RRBP1: variants seen among roughly 807,000 people sequenced by gnomAD.
The protein encoded by RRBP1 is ribosome-binding protein 1.
Under a neutral mutation model 165.2 loss-of-function variants are expected in RRBP1, and 94 were observed. The ratio of observed to expected loss-of-function variants is 0.57; its 90% confidence interval spans 0.48 to 0.68. The LOEUF is 0.68. RRBP1 is among the 30% of genes least tolerant of loss of function. The pLI is 0.00. For missense variants in RRBP1, 1,676 were observed against 1,763.0 expected (o/e 0.95, Z 0.88); for synonymous variants, 680 against 714.5 (o/e 0.95, Z 0.77).
chr20:17,619,809 C>A, intron 18 of RRBP1, 81 bp from the exon 19 acceptor site: 1 of 1,068,370 alleles, frequency 9.4e-7, no homozygotes, highest in Non-Finnish European at 1.4e-6. Context: ...GCAGGCTGGC[C>A]CTGGGATAGG....
intron 11 of RRBP1, among the ~76,000 whole-genome samples, chr20:17,626,592 G>C (rs1024360562): frequency 3.3e-5 from 5 of 152,180 alleles, no homozygotes; most frequent in African/African-American, 1.2e-4. Context: ...GTGTGCGAGG[G>C]AATGCAGGAC....
chr20:17,669,578 C>G (rs73599761), intron 2 of RRBP1, among the ~76,000 whole-genome samples: 2,328 of 152,320 alleles, frequency 0.015, 87 homozygotes, highest in East Asian at 0.073. Flanking sequence ...ATCATATCAG[C>G]ATCGTATGTG....
chr20:17,627,448 C>T (rs1436706846), intron 10 of RRBP1, 56 bp downstream of exon 10: 24 of 1,609,524 alleles, frequency 1.5e-5, no homozygotes, highest in East Asian at 4.5e-5. Flanking sequence ...GGCTAGTCCA[C>T]CCACCTGCTA....
At chr20:17,642,515 T>C (rs1370011723) in intron 4 of RRBP1, among the ~76,000 whole-genome samples, 3 of 152,028 alleles carry the variant, frequency 2.0e-5, no homozygotes, top group Non-Finnish European at 4.4e-5. Context: ...GAACTCTGAC[T>C]CCAGTGAAGG....
intron 3 of RRBP1, among the ~76,000 whole-genome samples, chr20:17,648,160 G>A (rs771850113): frequency 3.9e-5 from 6 of 152,192 alleles, no homozygotes; most frequent in African/African-American, 7.2e-5. Flanking sequence ...GTCCCACCCC[G>A]AGGTGGGACG....
rs773714203 is a variant in RRBP1, at chr20:17,619,715, G to T, written c.3593C>A (p.Thr1198Lys). The change falls in exon 19 of 25, where the codon ACG becomes AAG. Residue 1198 changes from threonine (T) to lysine (K), a missense_variant. This residue lies in a region of RRBP1 where 1,184 missense variants were observed against 1,167.1 expected (regional missense o/e 1.01). Transcript: ENST00000377813. Reference sequence around the variant, plus strand: ...TTCCAGCTCTGCCTCCAAATGCGACGTGTGCTCCCTCACCTGGACAGATGC... The same window carrying T: ...TTCCAGCTCTGCCTCCAAATGCGACTTGTGCTCCCTCACCTGGACAGATGC... Reference protein sequence around the residue: ...LESSDQVREHTSHLEAELEKH... With the variant: ...LESSDQVREHKSHLEAELEKH... 6.2e-7 allele frequency: 1 copy of T among 1,611,840 alleles called. No homozygotes were observed.
chr20:17,641,271 C>T (rs570272927), intron 5 of RRBP1, among the ~76,000 whole-genome samples: 13 of 152,350 alleles, frequency 8.5e-5, no homozygotes, highest in Middle Eastern at 3.4e-3. Context: ...GCAAATGCTA[C>T]GTGCCACGCC....
At chr20:17,640,097 C>T (rs2122352420) in intron 5 of RRBP1, among the ~76,000 whole-genome samples, 1 of 152,270 alleles carries the variant, frequency 6.6e-6, no homozygotes, top group South Asian at 2.1e-4. Context: ...TCTCAGTGGC[C>T]ACTTGATCAC....
chr20:17,674,225 T>C (rs2037031950), intron 2 of RRBP1, among the ~76,000 whole-genome samples: 1 of 152,196 alleles, frequency 6.6e-6, no homozygotes. Flanking sequence ...TCTACTCTTC[T>C]TCACCTAAAA....
intron 24 of RRBP1, 120 bp downstream of exon 24, chr20:17,614,617 C>T: frequency 7.6e-7 from 1 of 1,318,094 alleles, no homozygotes; most frequent in Non-Finnish European, 1.0e-6. Flanking sequence ...CCCTGGGGCT[C>T]CCAGCCCAGC....
chr20:17,625,481 G>A (rs201482099), intron 12 of RRBP1, 31 bp downstream of exon 12: 74 of 1,599,620 alleles, frequency 4.6e-5, no homozygotes, highest in African/African-American at 4.3e-4. Context: ...TCCCTGGCCC[G>A]TCCGTCCCCG....
chr20:17,648,956 C>T (rs975660144), intron 3 of RRBP1, among the ~76,000 whole-genome samples: 8 of 152,350 alleles, frequency 5.3e-5, no homozygotes, highest in Admixed American at 1.3e-4. Context: ...CTGACCACAG[C>T]CGTCTGGGGG....
At chr20:17,664,649 T>C (rs934094844) in intron 2 of RRBP1, among the ~76,000 whole-genome samples, 2 of 152,244 alleles carry the variant, frequency 1.3e-5, no homozygotes, top group Non-Finnish European at 2.9e-5. Flanking sequence ...AGATATCTGC[T>C]AATTCACATG....
At chr20:17,668,311 T>TA (rs1270965302) in intron 2 of RRBP1, among the ~76,000 whole-genome samples, 3 of 152,254 alleles carry the variant, frequency 2.0e-5, no homozygotes, top group Non-Finnish European at 4.4e-5. Context: ...ACCAGCTCTA[T>TA]AATCAGTCCT....
intron 2 of RRBP1, among the ~76,000 whole-genome samples, chr20:17,660,773 T>A (rs1271388163): frequency 2.6e-5 from 4 of 151,930 alleles, no homozygotes; most frequent in Non-Finnish European, 4.4e-5. Context: ...CAGAGCAGAG[T>A]GGAGGCCTAT....
Position 17,659,422 on chromosome 20 carries a change from G to A in RRBP1, c.1086C>T (p.Ala362=), listed in dbSNP as rs1419472251. 12 of 1,318,518 alleles carry A rather than the reference G, an allele frequency of 9.1e-6. No individual in the cohort carries two copies. The highest frequency in any genetic ancestry group is 2.0e-4 in the Middle Eastern group (1 of 4,952). 81.7% of individuals were successfully genotyped at this position (1,318,518 alleles called of 1,614,324 possible). A position where few individuals can be genotyped will look rare whatever the true frequency, so the allele number is the denominator to read the frequency against. The change falls in exon 3 of 25, where the codon GCC becomes GCT. Residue 362 remains alanine (A), a synonymous_variant. Transcript: ENST00000377813. ...TCTTGCCCTGATTCTGGGCCCCCTC[G>A]GCCTTCTTGCCCTGATTCTGGGCCC... ...AEGAQNQGKK[A]EGAQNQGKKA...
In RRBP1 at chr20:17,669,836, T is replaced by C. The variant is rs775065607; in HGVS notation, c.-21-9308A>G. ...ACTTGCCTAATTCTAGTAACACATC[T>C]GTCGATTAAAAAGAAAAAAATTCTA... On this transcript the variant is annotated intron_variant, in intron 2 of 24. Coordinates refer to ENST00000377813, the MANE Select transcript of RRBP1 (RefSeq NM_001365613.2). Among the ~76,000 whole-genome samples, 56 of 152,182 alleles carry C rather than the reference T, an allele frequency of 3.7e-4. 3 individuals are homozygous for C. Among genetic ancestry groups the C allele is most frequent in the Non-Finnish European group, 4.4e-5 (3 of 68,034 alleles).
At chr20:17,635,791 T>TG in intron 6 of RRBP1, 127 bp from the exon 7 acceptor site, 1 of 748,728 alleles carries the variant, frequency 1.3e-6, no homozygotes, top group South Asian at 1.6e-5. Context: ...CTTTTCCACG[T>TG]GGAAGTTAAG....
At chr20:17,619,607 C>G in intron 19 of RRBP1, 26 bp downstream of exon 19, 1 of 1,562,358 alleles carries the variant, frequency 6.4e-7, no homozygotes, top group African/African-American at 1.3e-5. Context: ...TGGGCAGGGG[C>G]TGCACTCCTT....
Sources: allele counts gnomAD v4.1 joint callset (sites outside exome capture counted in the v4.1 genomes callset), GRCh38; gene constraint gnomAD v4.1.1; regional missense constraint gnomAD v4.1.1; transcripts MANE v1.5; gene names NCBI Gene and HGNC (gene_info 2026-07-23, HGNC 2026-07-21).